Variants in ROPN1B observed in about 807,000 individuals in gnomAD.
The protein encoded by ROPN1B is ropporin-1B.
Under a neutral mutation model 23.7 loss-of-function variants are expected in ROPN1B, and 13 were observed. The ratio of observed to expected loss-of-function variants is 0.55; its 90% CI spans 0.36 to 0.87. The LOEUF is 0.87. ROPN1B is among the 40% of genes least tolerant of loss of function. ROPN1B has a pLI of 0.01. For missense variants in ROPN1B, 183 were observed against 249.2 expected, an observed-to-expected ratio of 0.73 and a Z score of 1.79; for synonymous variants, 67 against 100.4, an observed-to-expected ratio of 0.67 and a Z score of 1.99.
In ROPN1B at chr3:125,971,147, A is replaced by G. The variant is rs1309545770; in HGVS notation, c.-28A>G. ...TATCTCAAAGCTTCAAGTTCCTGCC[A>G]TCTACATGTGCCCAGGTGAGCCCTA... is the stretch of plus-strand genomic sequence containing the variant. On this transcript the variant is annotated 5_prime_UTR_variant, in exon 2 of 7. Transcript: ENST00000514116. 1.3e-5 allele frequency: 2 copies of G among 153,424 alleles called. No individual in the cohort carries two copies. The highest frequency in any genetic ancestry group is 2.9e-5 in the Non-Finnish European group (2 of 68,098). 9.5% of individuals were successfully genotyped at this position (153,424 alleles called of 1,614,324 possible).
Position 125,975,803 on chromosome 3 carries a change from C to T in ROPN1B, c.234+123C>T, listed in dbSNP as rs1938389834. 7.6e-6 allele frequency: 6 copies of T among 789,656 alleles called. No individual in the cohort carries two copies. The East Asian group carries it at 1.6e-4, about 21-fold the overall frequency. The allele number at this position is 789,656 out of a possible 1,614,324, so 48.9% of individuals were successfully genotyped here. A position where few individuals can be genotyped will look rare whatever the true frequency, so the allele number is the denominator to read the frequency against. On this transcript the variant is annotated intron_variant, in intron 4 of 6. Transcript: ENST00000514116. ...CCACTTAGCACCACCCTAAAATACA[C>T]TAAACCGTGGACTGAAAGTAAATCT...
chr3:125,969,487 CG>C, intron 1 of ROPN1B, 87 bp downstream of exon 1: 1 of 70,410 alleles, frequency 1.4e-5, no homozygotes, highest in East Asian at 3.1e-4. Flanking sequence ...CCCTGCCGGA[CG>C]CCCCCTGGAT....
intron 5 of ROPN1B, among the ~76,000 whole-genome samples, chr3:125,981,826 A>C (rs1253292693): frequency 6.6e-6 from 1 of 152,134 alleles, no homozygotes; most frequent in Non-Finnish European, 1.5e-5. Flanking sequence ...TTCCTGGGGA[A>C]ATTATCCTTC....
intron 6 of ROPN1B, 38 bp downstream of exon 6, chr3:125,982,483 C>T (rs1235488394): frequency 1.3e-6 from 2 of 1,548,100 alleles, no homozygotes; most frequent in African/African-American, 2.8e-5. Context: ...GAAAGAATAC[C>T]AGGAAAACAA....
chr3:125,970,356 T>C (rs894792834), intron 1 of ROPN1B, among the ~76,000 whole-genome samples: 6 of 152,204 alleles, frequency 3.9e-5, no homozygotes, highest in Admixed American at 1.3e-4. Flanking sequence ...AAGCCGCTCA[T>C]AGAAACCCTC....
intron 5 of ROPN1B, among the ~76,000 whole-genome samples, chr3:125,979,922 C>T (rs75390801): frequency 2.6e-5 from 4 of 152,236 alleles, no homozygotes; most frequent in African/African-American, 7.2e-5. Context: ...ATTCCTCCCC[C>T]CTTCAGCACT....
Position 125,973,221 on chromosome 3 carries a change from G to C in ROPN1B, c.116+1051G>C, listed in dbSNP as rs7623276. ...GCTGAGGTTGTGAGTGGGTGTCCTG[G>C]GCAGATGGTGGGGAGAGTGTGGACA... On this transcript the variant is annotated intron_variant, in intron 3 of 6. Coordinates refer to ENST00000514116, the MANE Select transcript of ROPN1B (RefSeq NM_001308313.2). 977 of 349,824 alleles carry C rather than the reference G, an allele frequency of 2.8e-3. 13 individuals are homozygous for C. The highest frequency in any genetic ancestry group is 0.02 in the African/African-American group (916 of 46,352). The allele number at this position is 349,824 out of a possible 1,614,324, so 21.7% of individuals were successfully genotyped here. A position where few individuals can be genotyped will look rare whatever the true frequency, so the allele number is the denominator to read the frequency against.
intron 6 of ROPN1B, among the ~76,000 whole-genome samples, chr3:125,983,010 GGT>G (rs1242386184): frequency 6.6e-6 from 1 of 152,140 alleles, no homozygotes. Context: ...TGGGCGTGGT[GGT>G]GTGTGTCTGT....
At chr3:125,982,594 AAGG>A (rs1938646824) in intron 6 of ROPN1B, 149 bp downstream of exon 6, 3 of 685,744 alleles carry the variant, frequency 4.4e-6, no homozygotes, top group East Asian at 3.1e-5. Flanking sequence ...GGAGAAAGGG[AAGG>A]AGAAGAGGAA....
chr3:125,975,162 T>G (rs1231572747), intron 3 of ROPN1B, among the ~76,000 whole-genome samples: 1 of 152,162 alleles, frequency 6.6e-6, no homozygotes, highest in African/African-American at 2.4e-5. Context: ...CTTTCTTACG[T>G]ACATTACTTT....
At chr3:125,971,885 GCTTT>G (rs1262752987) in intron 2 of ROPN1B, among the ~76,000 whole-genome samples, 154 bp from the exon 3 acceptor site, 1 of 152,194 alleles carries the variant, frequency 6.6e-6, no homozygotes. Flanking sequence ...TTAGCAGACG[GCTTT>G]CTAACCTTGC....
At position 125,974,252 on chromosome 3, in the gene ROPN1B, G is replaced by T. The variant is rs145535013; in HGVS notation, c.117-1311G>T. On this transcript the variant is annotated intron_variant, in intron 3 of 6. Transcript: ENST00000514116. The stretch of plus-strand genomic sequence containing the variant: ...TCCACACCCTGCTCCTGTTGTCACA[G>T]TGCACCCACACCCCGCCCACCCCAA... 2.5e-3 allele frequency among the ~76,000 whole-genome samples: 383 copies of T among 152,224 alleles called. 1 individual carries two copies. Among genetic ancestry groups the T allele is most frequent in the East Asian group, 7.7e-3 (40 of 5,176 alleles).
intron 1 of ROPN1B, chr3:125,969,872 T>C (rs1484056429): frequency 1.3e-5 from 2 of 150,812 alleles, no homozygotes; most frequent in Non-Finnish European, 3.0e-5. Flanking sequence ...TGGCACTTCA[T>C]AGACTCCTAT....
intron 5 of ROPN1B, among the ~76,000 whole-genome samples, chr3:125,980,402 C>T (rs965488810): frequency 2.2e-4 from 34 of 152,160 alleles, no homozygotes; most frequent in African/African-American, 8.0e-4. Context: ...TGTTGTCTCT[C>T]AGTTCTGGAG....
At chr3:125,976,810 T>C in intron 4 of ROPN1B, 194 bp from the exon 5 acceptor site, 1 of 796,566 alleles carries the variant, frequency 1.3e-6, no homozygotes, top group African/African-American at 1.7e-5. Flanking sequence ...TAATAAATTA[T>C]ATTTCAGCAT....
At chr3:125,975,767 C>T (rs1259504060) in intron 4 of ROPN1B, 87 bp downstream of exon 4, 23 of 1,255,256 alleles carry the variant, frequency 1.8e-5, no homozygotes, top group Non-Finnish European at 2.3e-5. Flanking sequence ...GTTCTCCTGC[C>T]AGTCAGCTGA....
rs1938678537 is a variant in ROPN1B at position 125,983,393 on chromosome 3, C to A, written c.*73C>A. ...TTCAGAATGATAAACCCATATACCACCTAAAATCAATTTTCTTGTACAACT... is the reference window on the plus strand; with the variant it reads ...TTCAGAATGATAAACCCATATACCAACTAAAATCAATTTTCTTGTACAACT... On this transcript the variant is annotated 3_prime_UTR_variant, in exon 7 of 7. Transcript: ENST00000514116. The A allele has an allele frequency of 4.0e-6, 4 of 1,001,922 alleles. No individual in the cohort carries two copies. The highest frequency in any genetic ancestry group is 4.8e-6 in the Non-Finnish European group (3 of 629,394). 62.1% of individuals were successfully genotyped at this position (1,001,922 alleles called of 1,614,324 possible).
rs1359877288 is a variant in ROPN1B at position 125,982,319 on chromosome 3, A to C, written c.446A>C (p.His149Pro). ...GTGTGTGAGGTCTTATCATGTGACC[A>C]CAATGGTGGGTTGCCCCGAATCCCA... ...KIVCEVLSCDHNGGLPRIPFS... is the reference protein window; with the variant it reads ...KIVCEVLSCDPNGGLPRIPFS... Residue 149 changes from histidine to proline, a missense_variant, in exon 6 of 7, where the codon CAC becomes CCC. Physicochemically the swap from His to Pro is moderately conservative, Grantham distance 77. Coordinates refer to ENST00000514116, the MANE Select transcript of ROPN1B (RefSeq NM_001308313.2). 3 of 1,613,360 alleles carry C rather than the reference A, an allele frequency of 1.9e-6. No homozygotes were observed.
chr3:125,978,314 C>G (rs1289666085), intron 5 of ROPN1B, among the ~76,000 whole-genome samples: 1 of 152,096 alleles, frequency 6.6e-6, no homozygotes, highest in Non-Finnish European at 1.5e-5. Context: ...ATTTTTTTCA[C>G]ACCACATTTG....
Sources: allele counts gnomAD v4.1 joint callset (sites outside exome capture counted in the v4.1 genomes callset), GRCh38; gene constraint gnomAD v4.1.1; transcripts MANE v1.5; gene names NCBI Gene and HGNC (gene_info 2026-07-23, HGNC 2026-07-21).